Variants in PAPOLG observed in about 807,000 individuals in gnomAD.
PAPOLG encodes the protein poly(A) polymerase gamma, also known as PAP-gamma.
PAPOLG carries 40 observed loss-of-function variants against 99.0 expected under a neutral mutation model. The observed-to-expected ratio is 0.40, with a 90% CI of 0.31 to 0.53. The LOEUF (loss-of-function observed/expected upper bound fraction) is 0.53, where lower values mean the gene tolerates loss of function less well. PAPOLG is among the 20% of genes least tolerant of loss of function. The pLI is 0.41. For synonymous variants in PAPOLG, 310 were observed against 299.3 expected (o/e 1.04, Z -0.37); for missense variants, 675 against 884.1 (o/e 0.76, Z 3.00).
rs150739539 is a variant in PAPOLG at position 60,771,527 on chromosome 2, A to C, written c.501A>C (p.Leu167=). ...TTCACATCTTTCCAAAGATTGATCT[A>C]GTCTTTGCAAGACTGGCAATACAAA... ...KFEFDGIEID[L]VFARLAIQTI... is the part of the protein sequence containing the mutation. The change falls in exon 7 of 22, where the codon CTA becomes CTC. Residue 167 remains leucine, a synonymous_variant. Transcript: ENST00000238714. 4.4e-6 allele frequency: 7 copies of C among 1,586,994 alleles called. No individual in the cohort carries two copies. The highest frequency in any genetic ancestry group is 6.0e-6 in the Non-Finnish European group (7 of 1,173,014).
chr2:60,756,634 C>A, intron 1 of PAPOLG, 139 bp downstream of exon 1: 1 of 991,294 alleles, frequency 1.0e-6, no homozygotes, highest in South Asian at 1.7e-5. Context: ...GGCTCCCGGC[C>A]GGTCCGCAAG....
intron 1 of PAPOLG, among the ~76,000 whole-genome samples, chr2:60,757,377 TTGA>T (rs1483255269): frequency 8.2e-4 from 125 of 152,260 alleles, no homozygotes; most frequent in Admixed American, 4.2e-3. Flanking sequence ...AGTCTTGAAT[TTGA>T]TGTTTATCGT....
Position 60,791,388 on chromosome 2 carries a change from G to A in PAPOLG, c.1397-373G>A, listed in dbSNP as rs550497126. The A allele has an allele frequency of 1.3e-4, 21 of 161,652 alleles. No homozygotes were observed. In the East Asian group the frequency reaches 1.6e-3, roughly 12 times the overall value. 10.0% of individuals were successfully genotyped at this position (161,652 alleles called of 1,614,324 possible). ...CAACATGGAGAAACCCAGTCTCTAC[G>A]AAAAATCAAAAAAGTTAGCTGGACG... On this transcript the variant is annotated intron_variant, in intron 15 of 21. Coordinates refer to ENST00000238714, the MANE Select transcript of PAPOLG (RefSeq NM_022894.4).
chr2:60,790,968 A>G (rs1478073396), intron 15 of PAPOLG, among the ~76,000 whole-genome samples: 2 of 152,138 alleles, frequency 1.3e-5, no homozygotes, highest in Non-Finnish European at 2.9e-5. Flanking sequence ...ATGCGCTTCT[A>G]GTCCCAGCTA....
chr2:60,759,506 A>G (rs755825724), intron 1 of PAPOLG, among the ~76,000 whole-genome samples: 1 of 152,230 alleles, frequency 6.6e-6, no homozygotes, highest in East Asian at 1.9e-4. Context: ...TTTTATTTCA[A>G]TGTGAAGATG....
intron 14 of PAPOLG, 60 bp from the exon 15 acceptor site, chr2:60,787,451 A>G (rs1359639035): frequency 3.3e-6 from 5 of 1,520,946 alleles, no homozygotes; most frequent in African/African-American, 1.4e-5. Flanking sequence ...ATGAAATAGC[A>G]TCTGTAAAGT....
chr2:60,767,055 A>G (rs1327702175), intron 3 of PAPOLG, among the ~76,000 whole-genome samples: 1 of 152,226 alleles, frequency 6.6e-6, no homozygotes, highest in Non-Finnish European at 1.5e-5. Context: ...GATGCCATTA[A>G]ATAGCCTAGA....
chr2:60,758,803 G>A (rs984988502), intron 1 of PAPOLG, among the ~76,000 whole-genome samples: 1 of 152,106 alleles, frequency 6.6e-6, no homozygotes, highest in Non-Finnish European at 1.5e-5. Flanking sequence ...GTTTTGACCA[G>A]TTAGAATCCA....
chr2:60,783,047 T>C (rs1671240669), intron 12 of PAPOLG, 109 bp from the exon 13 acceptor site: 7 of 1,015,652 alleles, frequency 6.9e-6, no homozygotes, highest in South Asian at 2.2e-5. Context: ...TGTGTGCCTT[T>C]ATTAGCTCAT....
chr2:60,783,398 G>A (rs1205879585), intron 13 of PAPOLG, among the ~76,000 whole-genome samples, 189 bp downstream of exon 13: 1 of 124,028 alleles, frequency 8.1e-6, no homozygotes, highest in Non-Finnish European at 1.6e-5. Context: ...TCTCAGTTTC[G>A]CCACGTTGGT....
In PAPOLG at chr2:60,794,140, C is replaced by G; in HGVS notation, c.1938C>G (p.Ser646=). 6.2e-7 allele frequency: 1 copy of G among 1,613,518 alleles called. No individual in the cohort carries two copies. The highest frequency in any genetic ancestry group is 1.3e-5 in the African/African-American group (1 of 74,988). ...NITKTVTPKR[S]HSPSIDGTPK... ...CTAAGACTGTTACACCTAAGAGATCCCATTCCCCATCCATAGATGGGACTC... is the reference window on the plus strand; with the variant it reads ...CTAAGACTGTTACACCTAAGAGATCGCATTCCCCATCCATAGATGGGACTC... The change falls in exon 19 of 22, where the codon TCC becomes TCG. Residue 646 remains serine (S), a synonymous_variant. Transcript: ENST00000238714.
intron 7 of PAPOLG, among the ~76,000 whole-genome samples, chr2:60,772,735 G>A (rs1337724844): frequency 2.0e-5 from 3 of 152,174 alleles, no homozygotes; most frequent in South Asian, 2.1e-4. Context: ...GTGACAGAGC[G>A]AGTCTCCGTC....
At chr2:60,786,460 A>G (rs907346286) in intron 13 of PAPOLG, among the ~76,000 whole-genome samples, 1 of 151,962 alleles carries the variant, frequency 6.6e-6, no homozygotes, top group Non-Finnish European at 1.5e-5. Flanking sequence ...CGAACTCCTG[A>G]CCTCAGGTGA....
At chr2:60,772,428 CAG>C (rs1172679086) in intron 7 of PAPOLG, among the ~76,000 whole-genome samples, 7 of 142,642 alleles carry the variant, frequency 4.9e-5, no homozygotes, top group Non-Finnish European at 1.1e-4. Context: ...GCTTAGGTGA[CAG>C]AGTGAGACCC....
chr2:60,760,384 A>C, intron 2 of PAPOLG, 89 bp downstream of exon 2: 1 of 1,256,542 alleles, frequency 8.0e-7, no homozygotes, highest in South Asian at 1.4e-5. Flanking sequence ...GTGTCTCTAG[A>C]TACAGGTGCA....
intron 13 of PAPOLG, among the ~76,000 whole-genome samples, chr2:60,785,821 C>T (rs1351922140): frequency 3.3e-5 from 5 of 151,968 alleles, no homozygotes; most frequent in African/African-American, 4.8e-5. Context: ...GCATGAGCCA[C>T]CGCACCTGGC....
chr2:60,799,162 A>T lies in PAPOLG; in HGVS notation c.*2002A>T, dbSNP rs1412239584. On this transcript the variant is annotated 3_prime_UTR_variant, in exon 22 of 22. Coordinates refer to ENST00000238714, the MANE Select transcript of PAPOLG (RefSeq NM_022894.4). ...ATACTGGATGTGTATGCATTTCTGC[A>T]TTTCATATCTTTTGCTTTTAAATCA... is the stretch of plus-strand genomic sequence containing the variant. 6.6e-6 allele frequency: 1 copy of T among 152,370 alleles called. No individual in the cohort carries two copies. Among genetic ancestry groups the T allele is most frequent in the African/African-American group, 2.4e-5 (1 of 41,470 alleles). 9.4% of individuals were successfully genotyped at this position (152,370 alleles called of 1,614,324 possible). A position where few individuals can be genotyped will look rare whatever the true frequency, so the allele number is the denominator to read the frequency against.
At chr2:60,786,817 A>G in intron 13 of PAPOLG, 130 bp from the exon 14 acceptor site, 1 of 1,108,114 alleles carries the variant, frequency 9.0e-7, no homozygotes, top group Non-Finnish European at 1.3e-6. Flanking sequence ...GATGTGAGCC[A>G]CCATGCCCAG....
At chr2:60,772,373 C>T (rs1205217901) in intron 7 of PAPOLG, among the ~76,000 whole-genome samples, 12 of 150,050 alleles carry the variant, frequency 8.0e-5, no homozygotes, top group South Asian at 6.3e-4. Flanking sequence ...CCTGAGCCCC[C>T]GAGGTGGAGG....
Sources: allele counts gnomAD v4.1 joint callset (sites outside exome capture counted in the v4.1 genomes callset), GRCh38; gene constraint gnomAD v4.1.1; transcripts MANE v1.5; gene names NCBI Gene and HGNC (gene_info 2026-07-23, HGNC 2026-07-21).